The following ACACB variants were observed in gnomAD, a reference collection of about 807,000 sequenced individuals.
The protein encoded by ACACB is acetyl-CoA carboxylase 2.
In ACACB, 209 loss-of-function variants were observed where a neutral mutation model predicts 278.8. The observed-to-expected ratio is 0.75, with a 90% CI of 0.67 to 0.84. The LOEUF (loss-of-function observed/expected upper bound fraction) is 0.84. ACACB is among the 40% of genes least tolerant of loss of function. ACACB has a pLI of 0.00. For missense variants in ACACB, 2,850 were observed against 3,269.0 expected, an observed-to-expected ratio of 0.87 and a Z score of 3.13; for synonymous variants, 1,174 against 1,285.6, an observed-to-expected ratio of 0.91 and a Z score of 1.86.
chr12:109,126,052 C>T (rs971400982), intron 1 of ACACB, among the ~76,000 whole-genome samples: 2 of 152,158 alleles, frequency 1.3e-5, no homozygotes, highest in African/African-American at 4.8e-5. Flanking sequence ...CCACACCTGG[C>T]AGGTGCTCAG....
intron 41 of ACACB, among the ~76,000 whole-genome samples, 186 bp downstream of exon 41, chr12:109,250,290 A>AT (rs1299174246): frequency 6.6e-6 from 1 of 152,122 alleles, no homozygotes; most frequent in East Asian, 1.9e-4. Context: ...GTTTTAGAGT[A>AT]TTTTAAAGCC....
upstream of ACACB, among the ~76,000 whole-genome samples, chr12:109,111,738 T>C (rs2042297606): frequency 6.6e-6 from 1 of 152,010 alleles, no homozygotes; most frequent in African/African-American, 2.4e-5. Flanking sequence ...GTACTTTTAG[T>C]AGAGAAACTT....
intron 9 of ACACB, among the ~76,000 whole-genome samples, chr12:109,177,732 G>A (rs1349879244): frequency 6.6e-6 from 1 of 152,186 alleles, no homozygotes; most frequent in African/African-American, 2.4e-5. Flanking sequence ...CTCCAGACTA[G>A]ATTGAATTTC....
Position 109,233,730 on chromosome 12 carries a change from C to T in ACACB, c.4140-18C>T. The T allele has an allele frequency of 1.2e-6, 2 of 1,610,926 alleles. No homozygotes were observed. The highest frequency in any genetic ancestry group is 2.2e-5 in the East Asian group (1 of 44,862). ...GGTCAGCAGCCCCTCAGCCCTCCCT[C>T]TCTACCCGCACCCCCAGAAATTTTG... On this transcript the variant is annotated intron_variant, in intron 29 of 52. Transcript: ENST00000338432.
At chr12:109,116,427 A>G (rs2042404869), upstream of ACACB, among the ~76,000 whole-genome samples, 1 of 152,226 alleles carries the variant, frequency 6.6e-6, no homozygotes, top group Non-Finnish European at 1.5e-5. Flanking sequence ...AAAGGCAGAT[A>G]GCAGAACTCT....
chr12:109,201,741 G>T, intron 19 of ACACB, 40 bp downstream of exon 19: 1 of 1,604,800 alleles, frequency 6.2e-7, no homozygotes, highest in Non-Finnish European at 8.5e-7. Context: ...GCTGGTGCAG[G>T]TGCACTCGTG....
chr12:109,171,063 A>G (rs1403520719), intron 4 of ACACB, among the ~76,000 whole-genome samples: 1 of 129,440 alleles, frequency 7.7e-6, no homozygotes, highest in Non-Finnish European at 1.6e-5. Flanking sequence ...TGTGTTGCCC[A>G]AACTGGTCTT....
chr12:109,247,764 T>C, intron 40 of ACACB, 61 bp downstream of exon 40: 1 of 1,356,846 alleles, frequency 7.4e-7, no homozygotes, highest in Non-Finnish European at 1.1e-6. Flanking sequence ...CTGTCTTCTT[T>C]CCTCGGGGCT....
intron 28 of ACACB, among the ~76,000 whole-genome samples, chr12:109,229,633 G>A (rs1379392505): frequency 1.3e-5 from 2 of 152,098 alleles, no homozygotes; most frequent in Admixed American, 6.6e-5. Flanking sequence ...GGGTTCAAGC[G>A]ATTCTCCTGC....
At chr12:109,176,084 T>G in intron 8 of ACACB, 44 bp downstream of exon 8, 2 of 1,610,912 alleles carry the variant, frequency 1.2e-6, no homozygotes, top group Non-Finnish European at 1.7e-6. Context: ...AGAACCGAAC[T>G]GCCTCTGTCC....
Position 109,211,117 on chromosome 12 carries a change from G to GT in ACACB, c.3250-1718dup, listed in dbSNP as rs796160993. 2.6e-5 allele frequency among the ~76,000 whole-genome samples: 4 copies of GT among 152,118 alleles called. 1 individual carries two copies. The highest frequency in any genetic ancestry group is 9.6e-5 in the African/African-American group (4 of 41,490). ...TGCCTGTTTGCCTTCCTGCCCTCTGGTGGGAGGGTTCCCCACCATCATCAT... is the reference window on the plus strand; with the variant it reads ...TGCCTGTTTGCCTTCCTGCCCTCTGGTTGGGAGGGTTCCCCACCATCATCAT... On this transcript the variant is annotated intron_variant, in intron 21 of 52. Transcript: ENST00000338432.
intron 1 of ACACB, among the ~76,000 whole-genome samples, chr12:109,135,611 A>G (rs574859170): frequency 1.3e-5 from 2 of 151,958 alleles, no homozygotes; most frequent in African/African-American, 4.8e-5. Flanking sequence ...CTAAGAATCA[A>G]TTGACAAATC....
intron 1 of ACACB, among the ~76,000 whole-genome samples, chr12:109,123,341 C>T (rs2042597403): frequency 1.3e-5 from 2 of 152,032 alleles, no homozygotes; most frequent in South Asian, 4.2e-4. Flanking sequence ...ACATGCATGT[C>T]ATTAATTAGA....
At chr12:109,162,043 C>G (rs1022991611) in intron 2 of ACACB, among the ~76,000 whole-genome samples, 2 of 149,532 alleles carry the variant, frequency 1.3e-5, no homozygotes, top group African/African-American at 4.9e-5. Flanking sequence ...GTGGTGTGAT[C>G]TCAGCTCACT....
intron 1 of ACACB, among the ~76,000 whole-genome samples, chr12:109,129,775 T>C (rs1173130308): frequency 6.6e-6 from 1 of 152,240 alleles, no homozygotes; most frequent in Non-Finnish European, 1.5e-5. Context: ...CTGCCTGTCC[T>C]GCCTGGGCTG....
intron 15 of ACACB, among the ~76,000 whole-genome samples, chr12:109,193,240 C>T (rs915240462): frequency 3.6e-4 from 46 of 127,836 alleles, no homozygotes; most frequent in African/African-American, 1.1e-3. Context: ...TTTTTTGAGA[C>T]ATAGTCTCGC....
At chr12:109,233,701 C>A in intron 29 of ACACB, 47 bp from the exon 30 acceptor site, 1 of 1,535,944 alleles carries the variant, frequency 6.5e-7, no homozygotes, top group East Asian at 2.2e-5. Flanking sequence ...ACCTCATCCC[C>A]ATGGGTCAGC....
chr12:109,242,410 C>T, intron 36 of ACACB, 27 bp from the exon 37 acceptor site: 1 of 1,606,904 alleles, frequency 6.2e-7, no homozygotes, highest in Non-Finnish European at 8.5e-7. Context: ...CTCTCTCACT[C>T]TCTGTTTTCC....
chr12:109,180,419 T>C (rs1484968183), intron 11 of ACACB, among the ~76,000 whole-genome samples: 2 of 152,200 alleles, frequency 1.3e-5, no homozygotes, highest in African/African-American at 4.8e-5. Context: ...GTTTGGATAT[T>C]GTAGATATAT....
Sources: gnomAD v4.1 joint callset for allele counts (sites outside exome capture counted in the v4.1 genomes callset) on GRCh38, gnomAD v4.1.1 for gene constraint, MANE v1.5 for transcripts, NCBI Gene and HGNC (gene_info 2026-07-23, HGNC 2026-07-21) for gene names.